The following PLS3 variants were observed in gnomAD, a reference collection of about 807,000 sequenced individuals.
PLS3 encodes the protein plastin 3, also known as plastin-3.
A neutral mutation model predicts 46.5 loss-of-function variants in PLS3; 11 were observed. That is an observed-to-expected ratio of 0.24 (90% CI 0.15 to 0.39). The LOEUF (loss-of-function observed/expected upper bound fraction) is 0.39. Among genes scored for constraint, PLS3 ranks in the 10% least tolerant of loss-of-function variants. The pLI is 1.00. For missense variants in PLS3, 308 were observed against 461.8 expected (o/e 0.67, Z 3.05); for synonymous variants, 167 against 162.2 (o/e 1.03, Z -0.22).
intron 1 of PLS3, among the ~76,000 whole-genome samples, chrX:115,586,237 G>C (rs2147435756): frequency 9.3e-6 from 1 of 107,012 alleles, no homozygotes; most frequent in Non-Finnish European, 1.9e-5. Context: ...CACCTGCCTC[G>C]GCCTCCCAAA....
At position 115,629,832 on chromosome X, in the gene PLS3, T is replaced by C. The variant is rs781966992; in HGVS notation, c.368-3T>C. The C allele has an allele frequency of 1.6e-5, 17 of 1,089,394 alleles. No homozygotes were observed. The highest frequency in any genetic ancestry group is 2.0e-5 in the Non-Finnish European group (16 of 795,294). The allele number at this position is 1,089,394 out of a possible 1,213,427, so 89.8% of individuals were successfully genotyped here. A position where few individuals can be genotyped will look rare whatever the true frequency, so the allele number is the denominator to read the frequency against. On this transcript the variant is annotated splice_region_variant and splice_polypyrimidine_tract_variant and intron_variant, in intron 4 of 15. Transcript: ENST00000355899. ...AATGTCTTGTTATTTAACATAATTT[T>C]AGAGGAAGAAAAATATGCTTTTGTT...
At position 115,646,353 on chromosome X, in the gene PLS3, A is replaced by G. The variant is rs150802596; in HGVS notation, c.1378-49A>G. The G allele has an allele frequency of 4.6e-3, 5,307 of 1,161,548 alleles. 17 individuals are homozygous for G. The highest frequency in any genetic ancestry group is 5.5e-3 in the Non-Finnish European group (4,726 of 854,745). ...ATACAAGACACACACACACGTATGC[A>G]GATTAAACAAATGGAAGTCTTTAAC... is the stretch of plus-strand genomic sequence containing the variant. On this transcript the variant is annotated intron_variant, in intron 12 of 15. Transcript: ENST00000355899.
At chrX:115,644,118 T>C (rs1253900259) in intron 10 of PLS3, among the ~76,000 whole-genome samples, 1 of 111,659 alleles carries the variant, frequency 9.0e-6, no homozygotes, top group Non-Finnish European at 1.9e-5. Context: ...CAGTTTGACC[T>C]GTAAATTTAG....
chrX:115,614,798 T>C (rs950303273), intron 2 of PLS3, among the ~76,000 whole-genome samples: 8 of 112,321 alleles, frequency 7.1e-5, no homozygotes, highest in Admixed American at 3.8e-4. Flanking sequence ...GTCATTTCTT[T>C]AGTGCAGAAA....
intron 1 of PLS3, among the ~76,000 whole-genome samples, chrX:115,566,838 C>G (rs1556630184): frequency 3.6e-5 from 4 of 110,402 alleles, no homozygotes; most frequent in East Asian, 2.9e-4. Context: ...ACCACCACGC[C>G]TGGCTAATTT....
At chrX:115,619,921 TGTA>T (rs1363823216) in intron 2 of PLS3, among the ~76,000 whole-genome samples, 23 of 112,502 alleles carry the variant, frequency 2.0e-4, no homozygotes, top group African/African-American at 6.8e-4. Context: ...AGATTTAAAA[TGTA>T]GTAATCAATG....
At position 115,641,353 on chromosome X, in the gene PLS3, G is replaced by A. The variant is rs191878661; in HGVS notation, c.987+850G>A. The stretch of plus-strand genomic sequence containing the variant: ...AGCAATTCTCCTGCCTCAGCCTCCC[G>A]AGTAGCTGCGATTACAGGCGCCCAC... On this transcript the variant is annotated intron_variant, in intron 9 of 15. Transcript: ENST00000355899. 4.8e-3 allele frequency among the ~76,000 whole-genome samples: 502 copies of A among 104,974 alleles called. 4 individuals are homozygous for A. The highest frequency in any genetic ancestry group is 0.016 in the African/African-American group (469 of 28,711). The allele number at this position is 104,974 out of a possible 115,157, so 91.2% of individuals were successfully genotyped here. A position where few individuals can be genotyped will look rare whatever the true frequency, so the allele number is the denominator to read the frequency against.
At chrX:115,570,124 A>C (rs1307413946) in intron 1 of PLS3, among the ~76,000 whole-genome samples, 4 of 110,131 alleles carry the variant, frequency 3.6e-5, no homozygotes, top group African/African-American at 1.3e-4. Flanking sequence ...TTTAGTAGAG[A>C]TGGGGTTTCA....
At chrX:115,571,559 G>GAGGAAA (rs1290198876) in intron 1 of PLS3, among the ~76,000 whole-genome samples, 247 of 108,891 alleles carry the variant, frequency 2.3e-3, no homozygotes, top group Non-Finnish European at 3.2e-3. Context: ...GAAAAGGAAA[G>GAGGAAA]AGGAAAAGGA....
chrX:115,640,179 G>A lies in PLS3; in HGVS notation c.892-229G>A, dbSNP rs782492732. ...TGTTTATTAGCATTATTGTATTGATGACTTTAATAATTGCGAAGTCATGTC... is the reference window on the plus strand; with the variant it reads ...TGTTTATTAGCATTATTGTATTGATAACTTTAATAATTGCGAAGTCATGTC... On this transcript the variant is annotated intron_variant, in intron 8 of 15. Transcript: ENST00000355899. 3.7e-5 allele frequency: 35 copies of A among 950,478 alleles called. No homozygotes were observed. The South Asian group carries it at 6.6e-4, about 18-fold the overall frequency. The allele number at this position is 950,478 out of a possible 1,213,427, so 78.3% of individuals were successfully genotyped here.
chrX:115,595,878 G>A (rs927647745), intron 1 of PLS3, among the ~76,000 whole-genome samples: 20 of 108,340 alleles, frequency 1.8e-4, no homozygotes, highest in Non-Finnish European at 3.6e-4. Flanking sequence ...TAGTAGAGAT[G>A]GGGTTTCACC....
chrX:115,596,171 G>T (rs1050101362), intron 1 of PLS3, among the ~76,000 whole-genome samples: 1 of 111,930 alleles, frequency 8.9e-6, no homozygotes, highest in Non-Finnish European at 1.9e-5. Flanking sequence ...ATGATAACAG[G>T]CCAATTGTAT....
At chrX:115,640,278 A>G in intron 8 of PLS3, 130 bp from the exon 9 acceptor site, 2 of 639,344 alleles carry the variant, frequency 3.1e-6, no homozygotes, top group Non-Finnish European at 5.0e-6. Flanking sequence ...ACACCTGTTA[A>G]ATTAAAAGGC....
chrX:115,581,650 T>A (rs2074280091), intron 1 of PLS3, among the ~76,000 whole-genome samples: 1 of 112,249 alleles, frequency 8.9e-6, no homozygotes, highest in Non-Finnish European at 1.9e-5. Flanking sequence ...TCCACTCTTC[T>A]GTCTGCTTAC....
chrX:115,612,844 T>C (rs2074560450), intron 2 of PLS3, among the ~76,000 whole-genome samples: 1 of 112,224 alleles, frequency 8.9e-6, no homozygotes, highest in Non-Finnish European at 1.9e-5. Flanking sequence ...CATGTAATTA[T>C]TTTAATTTTC....
chrX:115,609,418 T>C lies in PLS3; in HGVS notation c.-8-825T>C, dbSNP rs376761172. 5.3e-5 allele frequency among the ~76,000 whole-genome samples: 6 copies of C among 112,296 alleles called. No individual in the cohort carries two copies. In the East Asian group the frequency reaches 1.7e-3, roughly 31 times the overall value. On this transcript the variant is annotated intron_variant, in intron 1 of 15. Coordinates refer to ENST00000355899, the MANE Select transcript of PLS3 (RefSeq NM_005032.7). ...TCAAAATATAATAATTGAGTACAAT[T>C]TTTTGGTAATACAATTCTGATAAGA...
chrX:115,597,606 G>A (rs2074401681), intron 1 of PLS3, among the ~76,000 whole-genome samples: 1 of 111,905 alleles, frequency 8.9e-6, no homozygotes, highest in South Asian at 3.7e-4. Context: ...GGTTTTTCAG[G>A]TTACTTTACA....
Position 115,649,506 on chromosome X carries a change from A to G in PLS3, c.1838A>G (p.Lys613Arg). 4.1e-6 allele frequency: 5 copies of G among 1,209,003 alleles called. No homozygotes were observed. The highest frequency in any genetic ancestry group is 5.6e-6 in the Non-Finnish European group (5 of 893,106). ...GAAGACCTTGTGGAAGTAAAGCCCAAGATGGTCATGACTGTGTTTGCATGT... is the reference window on the plus strand; with the variant it reads ...GAAGACCTTGTGGAAGTAAAGCCCAGGATGGTCATGACTGTGTTTGCATGT... Reference protein sequence around the residue: ...LPEDLVEVKPKMVMTVFACLM... With the variant: ...LPEDLVEVKPRMVMTVFACLM... The change falls in exon 16 of 16, where the codon AAG becomes AGG. Residue 613 changes from lysine (K) to arginine (R), a missense_variant. This residue lies in a region of PLS3 where 271 missense variants were observed against 435.7 expected (regional missense o/e 0.62). Transcript: ENST00000355899.
At chrX:115,632,590 C>A (rs2074788747) in intron 5 of PLS3, among the ~76,000 whole-genome samples, 1 of 111,878 alleles carries the variant, frequency 8.9e-6, no homozygotes, top group African/African-American at 3.2e-5. Flanking sequence ...ACTGCCAGCA[C>A]CAAATATAGT....
Sources: gnomAD v4.1 joint callset for allele counts (sites outside exome capture counted in the v4.1 genomes callset) on GRCh38, gnomAD v4.1.1 for gene constraint, gnomAD v4.1.1 regional missense constraint, MANE v1.5 for transcripts, NCBI Gene and HGNC (gene_info 2026-07-23, HGNC 2026-07-21) for gene names.